Variants in TOR1AIP1 observed in about 807,000 individuals in gnomAD.
The protein encoded by TOR1AIP1 is torsin 1A interacting protein 1.
A neutral mutation model predicts 63.3 loss-of-function variants in TOR1AIP1; 54 were observed. The observed-to-expected ratio is 0.85, with a 90% confidence interval of 0.69 to 1.07. The LOEUF is 1.07. Ranked by LOEUF, TOR1AIP1 falls within the 50% of genes least tolerant of loss-of-function variation. The pLI is 0.00. For synonymous variants in TOR1AIP1, 294 were observed against 273.5 expected (o/e 1.07, Z -0.74); for missense variants, 736 against 715.0 (o/e 1.03, Z -0.33).
In TOR1AIP1 at chr1:179,909,283, C is replaced by T. The variant is rs193010912; in HGVS notation, c.907+610C>T. ...CTCTTTTGACAATACTTATTTTTTG[C>T]TTTTAGCAGATTTTGGAACAGCTTT... is the stretch of plus-strand genomic sequence containing the variant. On this transcript the variant is annotated intron_variant, in intron 8 of 9. Transcript: ENST00000606911. Among the ~76,000 whole-genome samples, 119 of 152,226 alleles carry T rather than the reference C, an allele frequency of 7.8e-4. 1 individual carries two copies. Among genetic ancestry groups the T allele is most frequent in the Non-Finnish European group, 2.8e-4 (19 of 68,004 alleles).
At chr1:179,908,583 T>C in intron 7 of TOR1AIP1, 22 bp from the exon 8 acceptor site, 1 of 1,598,628 alleles carries the variant, frequency 6.3e-7, no homozygotes, top group African/African-American at 1.3e-5. Flanking sequence ...AAATTATCTT[T>C]TGATATATGT....
At chr1:179,883,769 A>G in intron 1 of TOR1AIP1, 2 of 449,744 alleles carry the variant, frequency 4.4e-6, no homozygotes, top group Middle Eastern at 3.4e-4. Context: ...AAGTGAGTGT[A>G]TAGTGTTAGG....
intron 3 of TOR1AIP1, among the ~76,000 whole-genome samples, chr1:179,899,335 G>A (rs6657364): frequency 0.35 from 53,403 of 151,294 alleles, 9,904 homozygotes; most frequent in African/African-American, 0.45. Flanking sequence ...TGTTTTGCTT[G>A]TTTATTTTTG....
intron 3 of TOR1AIP1, among the ~76,000 whole-genome samples, chr1:179,899,736 C>T (rs1425966766): frequency 6.6e-6 from 1 of 152,148 alleles, no homozygotes; most frequent in Admixed American, 6.5e-5. Context: ...CCTCTGCTTC[C>T]CAGGTTCAAA....
At chr1:179,914,475 C>G (rs1157825214) in intron 9 of TOR1AIP1, among the ~76,000 whole-genome samples, 1 of 152,140 alleles carries the variant, frequency 6.6e-6, no homozygotes, top group Non-Finnish European at 1.5e-5. Flanking sequence ...TTCTCCAAGT[C>G]TTATTGTCCT....
intron 5 of TOR1AIP1, 69 bp downstream of exon 5, chr1:179,901,457 T>G (rs1425826466): frequency 3.1e-5 from 32 of 1,035,524 alleles, no homozygotes; most frequent in Non-Finnish European, 4.3e-5. Flanking sequence ...AATTTGCTTT[T>G]TAAAAAAAAC....
chr1:179,919,212 C>T lies in TOR1AIP1; in HGVS notation c.*973C>T, dbSNP rs138792715. On this transcript the variant is annotated 3_prime_UTR_variant, in exon 10 of 10. Coordinates refer to ENST00000606911, the MANE Select transcript of TOR1AIP1 (RefSeq NM_015602.4). ...CCGGGAGGCGGAGGTTGCAGTAAGC[C>T]GAGACCATGCTTATTGCCCTCCAGT... 8 of 151,666 alleles carry T rather than the reference C, an allele frequency of 5.3e-5. No homozygotes were observed. Among genetic ancestry groups the T allele is most frequent in the Admixed American group, 4.6e-4 (7 of 15,202 alleles). The allele number at this position is 151,666 out of a possible 1,614,324, so 9.4% of individuals were successfully genotyped here.
intron 6 of TOR1AIP1, chr1:179,904,901 A>G (rs1648580645): frequency 6.6e-6 from 1 of 152,252 alleles, no homozygotes; most frequent in Non-Finnish European, 1.5e-5. Flanking sequence ...CTGGGATTGC[A>G]GGTGTGAACC....
Position 179,917,823 on chromosome 1 carries a change from G to A in TOR1AIP1, c.1336G>A (p.Gly446Arg). Residue 446 changes from glycine (G) to arginine (R), a missense_variant, in exon 10 of 10, where the codon GGG (glycine) becomes AGG (arginine). Physicochemically the swap from Gly to Arg is moderately radical, Grantham distance 125 (BLOSUM62 -2). Coordinates refer to ENST00000606911, the MANE Select transcript of TOR1AIP1 (RefSeq NM_015602.4). Reference protein sequence around the residue: ...FRSVRAIRIDGTDKATQDSDT... With the variant: ...FRSVRAIRIDRTDKATQDSDT... Reference sequence around the variant, plus strand: ...TAGTGTCCGTGCCATCCGGATTGATGGGACAGATAAAGCTACTCAAGACAG... The same window carrying A: ...TAGTGTCCGTGCCATCCGGATTGATAGGACAGATAAAGCTACTCAAGACAG... The A allele has an allele frequency of 6.2e-7, 1 of 1,614,184 alleles. No individual in the cohort carries two copies.
At chr1:179,912,183 G>A (rs1476164671) in intron 8 of TOR1AIP1, among the ~76,000 whole-genome samples, 4 of 151,588 alleles carry the variant, frequency 2.6e-5, no homozygotes, top group Non-Finnish European at 5.9e-5. Context: ...AATACACCCA[G>A]CTAATTTTTG....
intron 3 of TOR1AIP1, among the ~76,000 whole-genome samples, chr1:179,897,241 TAAC>T (rs1648311884): frequency 6.6e-6 from 1 of 152,176 alleles, no homozygotes; most frequent in Non-Finnish European, 1.5e-5. Context: ...TCAAATATAA[TAAC>T]ATGTTAGAAG....
At chr1:179,903,327 T>C (rs1648524527) in intron 5 of TOR1AIP1, among the ~76,000 whole-genome samples, 1 of 151,942 alleles carries the variant, frequency 6.6e-6, no homozygotes, top group Non-Finnish European at 1.5e-5. Context: ...CAATAAAAAT[T>C]TAAAGCAAAA....
intron 5 of TOR1AIP1, among the ~76,000 whole-genome samples, chr1:179,903,501 CT>C (rs1329938777): frequency 6.6e-6 from 1 of 150,576 alleles, no homozygotes; most frequent in African/African-American, 2.4e-5. Context: ...TCTTTAGAAA[CT>C]TTTTTAACCT....
intron 8 of TOR1AIP1, among the ~76,000 whole-genome samples, chr1:179,912,976 T>C (rs193075426): frequency 2.0e-4 from 30 of 152,250 alleles, no homozygotes; most frequent in African/African-American, 6.7e-4. Context: ...ACTGGTAATA[T>C]AGGTCATACA....
At chr1:179,897,395 CT>C (rs1214707236) in intron 3 of TOR1AIP1, among the ~76,000 whole-genome samples, 1 of 152,122 alleles carries the variant, frequency 6.6e-6, no homozygotes, top group Non-Finnish European at 1.5e-5. Flanking sequence ...GGAGAAATGA[CT>C]GTTAAATGAA....
intron 1 of TOR1AIP1, chr1:179,883,564 A>G (rs1400459246): frequency 4.4e-6 from 2 of 454,198 alleles, no homozygotes. Context: ...TTTTTCCTGA[A>G]CTGATGTTCC....
chr1:179,913,912 A>G, intron 8 of TOR1AIP1, 86 bp from the exon 9 acceptor site: 1 of 1,279,316 alleles, frequency 7.8e-7, no homozygotes, highest in Admixed American at 2.3e-5. Context: ...TCCTGGTGGA[A>G]TTTGTATCTT....
At chr1:179,888,657 G>C (rs1026708102) in intron 2 of TOR1AIP1, among the ~76,000 whole-genome samples, 2 of 152,110 alleles carry the variant, frequency 1.3e-5, no homozygotes, top group African/African-American at 4.8e-5. Flanking sequence ...AAACATAATA[G>C]AATCCAAATT....
At chr1:179,891,914 A>G (rs1648094171) in intron 3 of TOR1AIP1, among the ~76,000 whole-genome samples, 1 of 152,170 alleles carries the variant, frequency 6.6e-6, no homozygotes, top group Non-Finnish European at 1.5e-5. Flanking sequence ...CGGCGAGTTC[A>G]GTGTCCTTTG....
Sources: gnomAD v4.1 joint callset for allele counts (sites outside exome capture counted in the v4.1 genomes callset) on GRCh38, gnomAD v4.1.1 for gene constraint, MANE v1.5 for transcripts, NCBI Gene and HGNC (gene_info 2026-07-23, HGNC 2026-07-21) for gene names.